Variants in GREP1 observed in about 807,000 individuals in gnomAD.
The protein encoded by GREP1 is glycine rich extracellular protein 1.
At position 2,997,423 on chromosome 16, in the gene GREP1, T is replaced by TG. The variant is rs1381868125; in HGVS notation, c.916+11dup. 1.3e-5 allele frequency: 5 copies of TG among 398,694 alleles called. No homozygotes were observed. In the East Asian group the frequency reaches 1.4e-4, roughly 11 times the overall value. 24.7% of individuals were successfully genotyped at this position (398,694 alleles called of 1,614,324 possible). A position where few individuals can be genotyped will look rare whatever the true frequency, so the allele number is the denominator to read the frequency against. ...CCCAGAATGGCTACAGAGCAGGTACTGGGGGGCTGGAGTTGCTGGGAGTGC... is the reference window on the plus strand; with the variant it reads ...CCCAGAATGGCTACAGAGCAGGTACTGGGGGGGCTGGAGTTGCTGGGAGTGC... On this transcript the variant is annotated splice_donor_region_variant and intron_variant, in intron 22 of 34. Coordinates refer to ENST00000573315, the Ensembl canonical transcript of GREP1.
intron 21 of GREP1, 196 bp downstream of exon 20, chr16:2,997,281 C>T (rs975616158): frequency 9.0e-5 from 36 of 398,464 alleles, no homozygotes; most frequent in Non-Finnish European, 1.4e-4. Flanking sequence ...GGAGAGGTGG[C>T]GCCAGGATCC....
At position 2,991,052 on chromosome 16, in the gene GREP1, T is replaced by C. The variant is rs768794153; in HGVS notation, c.273T>C (p.Tyr91=). Reference sequence around the variant, plus strand: ...CCTCTGGCTCTGTCTCCCCAGGATATGGAAACGGGCTGGGAGCAGCGGCCT... The same window carrying C: ...CCTCTGGCTCTGTCTCCCCAGGATACGGAAACGGGCTGGGAGCAGCGGCCT... Residue 91 remains tyrosine (Y), a synonymous_variant, in exon 8 of 35, where the codon TAT becomes TAC. Transcript: ENST00000573315. The surrounding 1 kb of genome is among the most constrained non-coding windows in gnomAD (Gnocchi z 4.9). 1 of 398,972 alleles carries C rather than the reference T, an allele frequency of 2.5e-6. No homozygotes were observed. Among genetic ancestry groups the C allele is most frequent in the Non-Finnish European group, 4.4e-6 (1 of 226,134 alleles). 24.7% of individuals were successfully genotyped at this position (398,972 alleles called of 1,614,324 possible). A position where few individuals can be genotyped will look rare whatever the true frequency, so the allele number is the denominator to read the frequency against.
At chr16:2,998,191 C>T (rs59549212) in intron 23 of GREP1, among the ~76,000 whole-genome samples, 165 bp from the exon 22 acceptor site, 37,206 of 151,886 alleles carry the variant, frequency 0.24, 4,814 homozygotes, top group Non-Finnish European at 0.28. Context: ...ACTCCAACCC[C>T]GCCCTCATGC....
At chr16:2,994,860 C>A in intron 12 of GREP1, 22 bp downstream of exon 13, 1 of 399,242 alleles carries the variant, frequency 2.5e-6, no homozygotes. Context: ...CCCGGCCTGT[C>A]CCTCTGCCTC....
chr16:2,992,812 C>T lies in GREP1; in HGVS notation c.330C>T (p.Ala110=), dbSNP rs567488546. 2.0e-5 allele frequency: 8 copies of T among 399,122 alleles called. No individual in the cohort carries two copies. The highest frequency in any genetic ancestry group is 1.3e-4 in the South Asian group (1 of 7,868). 24.7% of individuals were successfully genotyped at this position (399,122 alleles called of 1,614,324 possible). A position where few individuals can be genotyped will look rare whatever the true frequency, so the allele number is the denominator to read the frequency against. ...GTGTCTGCCCTCAAACAGGTCCTGC[C>T]GCTCAAAATGGCTTTGGACCAGGTA... Residue 110 remains alanine, a synonymous_variant, in exon 9 of 35, where the codon GCC becomes GCT. Transcript: ENST00000573315. This position sits in a 1 kb window ranked among gnomAD's most constrained non-coding sequence, Gnocchi z 4.9.
In GREP1 at chr16:2,992,823, G is replaced by A. The variant is rs1440890307; in HGVS notation, c.341G>A (p.Gly114Asp). ...CAAACAGGTCCTGCCGCTCAAAATGGCTTTGGACCAGGTAAAGAGGGTGGG... is the reference window on the plus strand; with the variant it reads ...CAAACAGGTCCTGCCGCTCAAAATGACTTTGGACCAGGTAAAGAGGGTGGG... Residue 114 changes from glycine to aspartate, a missense_variant, in exon 9 of 35, where the codon GGC (glycine) becomes GAC (aspartate). Gly to Asp is a moderately conservative substitution (Grantham distance 94, BLOSUM62 -1). Transcript: ENST00000573315. This position sits in a 1 kb window ranked among gnomAD's most constrained non-coding sequence, Gnocchi z 4.9. 1 of 399,078 alleles carries A rather than the reference G, an allele frequency of 2.5e-6. No individual in the cohort carries two copies. Among genetic ancestry groups the A allele is most frequent in the African/African-American group, 2.1e-5 (1 of 48,648 alleles). The allele number at this position is 399,078 out of a possible 1,614,324, so 24.7% of individuals were successfully genotyped here.
chr16:2,998,526 G>T lies in GREP1; in HGVS notation c.1012+3G>T, dbSNP rs2072439955. ...CCATGAAAATGGGCCCTGGCCAGGT[G>T]AGGCCACTGGGACCAGGGGTGGGGG... On this transcript the variant is annotated splice_donor_region_variant and intron_variant, in intron 25 of 34. Coordinates refer to ENST00000573315, the Ensembl canonical transcript of GREP1. The T allele has an allele frequency of 2.5e-6, 1 of 399,198 alleles. No individual in the cohort carries two copies. The highest frequency in any genetic ancestry group is 4.4e-6 in the Non-Finnish European group (1 of 226,146). The allele number at this position is 399,198 out of a possible 1,614,324, so 24.7% of individuals were successfully genotyped here.
At chr16:2,996,923 C>T (rs867743784) in intron 20 of GREP1, 130 bp from the exon 20 acceptor site, 4 of 399,202 alleles carry the variant, frequency 1.0e-5, no homozygotes, top group Admixed American at 8.8e-5. Context: ...AGCCTTACCA[C>T]GTTCCCTTTT....
chr16:2,998,086 A>C (rs1268444827), intron 23 of GREP1, among the ~76,000 whole-genome samples: 1 of 151,670 alleles, frequency 6.6e-6, no homozygotes, highest in East Asian at 1.9e-4. Context: ...GGGCCTGTCC[A>C]TTATTCTCCA....
At position 2,989,734 on chromosome 16, in the gene GREP1, G is replaced by A. The variant is rs1394919313; in HGVS notation, c.130+182G>A. On this transcript the variant is annotated intron_variant, in intron 3 of 34. Transcript: ENST00000573315. This position sits in a 1 kb window ranked among gnomAD's most constrained non-coding sequence, Gnocchi z 4.2. ...CCAGGCACCCTGGCTGGGGAGAGGG[G>A]AAGGCAGGCAGGAAGAAATGGAGCG... Among the ~76,000 whole-genome samples, 4 of 152,130 alleles carry A rather than the reference G, an allele frequency of 2.6e-5. No homozygotes were observed. The highest frequency in any genetic ancestry group is 1.3e-4 in the Admixed American group (2 of 15,282).
intron 25 of GREP1, 73 bp downstream of exon 23, chr16:2,998,596 T>C (rs1226342557): frequency 1.5e-5 from 6 of 398,608 alleles, no homozygotes; most frequent in Non-Finnish European, 2.7e-5. Flanking sequence ...CGGAGGGGCC[T>C]CCATCAGGAG....
intron 27 of GREP1, 79 bp from the exon 25 acceptor site, chr16:2,999,823 G>C (rs956229337): frequency 5.0e-6 from 2 of 398,830 alleles, no homozygotes; most frequent in African/African-American, 4.1e-5. Flanking sequence ...CCCCTTCAGA[G>C]TCCCTAAGGT....
intron 19 of GREP1, 57 bp downstream of exon 18, chr16:2,996,588 A>T: frequency 2.5e-6 from 1 of 399,262 alleles, no homozygotes; most frequent in Non-Finnish European, 4.4e-6. Context: ...GGAAGAGAGA[A>T]GCTGAGGCCA....
rs1476699402 is a variant in GREP1, at chr16:2,995,609, C to T, written c.554-10C>T. The T allele has an allele frequency of 2.5e-6, 1 of 398,806 alleles. No individual in the cohort carries two copies. Among genetic ancestry groups the T allele is most frequent in the Non-Finnish European group, 4.4e-6 (1 of 226,114 alleles). 24.7% of individuals were successfully genotyped at this position (398,806 alleles called of 1,614,324 possible). Reference sequence around the variant, plus strand: ...CCCCAAATCCCCACCCCACCCTCCTCTCCCCATAGTCTTGACAGCCCAGAA... The same window carrying T: ...CCCCAAATCCCCACCCCACCCTCCTTTCCCCATAGTCTTGACAGCCCAGAA... On this transcript the variant is annotated splice_polypyrimidine_tract_variant and intron_variant, in intron 15 of 34. Coordinates refer to ENST00000573315, the Ensembl canonical transcript of GREP1.
Position 2,989,893 on chromosome 16 carries a change from G to A in GREP1, c.131-81G>A, listed in dbSNP as rs1435575010. 1 of 398,820 alleles carries A rather than the reference G, an allele frequency of 2.5e-6. No individual in the cohort carries two copies. Among genetic ancestry groups the A allele is most frequent in the East Asian group, 3.6e-5 (1 of 28,090 alleles). 24.7% of individuals were successfully genotyped at this position (398,820 alleles called of 1,614,324 possible). ...GGGACTGAGTTCCCACAGGCCCACT[G>A]CTTGGATAGGCTGTGGGCCAGGTGT... is the stretch of plus-strand genomic sequence containing the variant. On this transcript the variant is annotated intron_variant, in intron 3 of 34. Coordinates refer to ENST00000573315, the Ensembl canonical transcript of GREP1. The surrounding 1 kb of genome is among the most constrained non-coding windows in gnomAD (Gnocchi z 4.2).
intron 19 of GREP1, 24 bp downstream of exon 18, chr16:2,996,555 G>T (rs974311405): frequency 6.3e-5 from 25 of 399,258 alleles, no homozygotes; most frequent in Admixed American, 4.8e-4. Flanking sequence ...GGCCTGGCTC[G>T]CGAGGGGTCG....
chr16:3,001,716 A>G, exon 35 of GREP1: 1 of 398,622 alleles, frequency 2.5e-6, no homozygotes. Flanking sequence ...TCCGCGTGCC[A>G]TGCAAGGGGC....
intron 7 of GREP1, among the ~76,000 whole-genome samples, 175 bp from the exon 7 acceptor site, chr16:2,990,873 G>A (rs555286362): frequency 6.6e-6 from 1 of 152,242 alleles, no homozygotes; most frequent in East Asian, 1.9e-4. Context: ...CGGGGAGGTG[G>A]GGCCCCTTCA....
chr16:2,996,605 CAG>C (rs1370054613), intron 19 of GREP1, 66 bp from the exon 19 acceptor site: 1 of 399,116 alleles, frequency 2.5e-6, no homozygotes, highest in African/African-American at 2.1e-5. Flanking sequence ...GCCACAGGGA[CAG>C]AGAGCTGGGG....
Sources: allele counts gnomAD v4.1 joint callset (sites outside exome capture counted in the v4.1 genomes callset), GRCh38; gene constraint gnomAD v4.1.1; non-coding constraint Gnocchi (gnomAD v3.1); transcripts MANE v1.5; gene names NCBI Gene and HGNC (gene_info 2026-07-23, HGNC 2026-07-21).